Variants in KCNJ4 observed in about 807,000 individuals in gnomAD.
KCNJ4 encodes the protein potassium inwardly rectifying channel subfamily J member 4, also known as inward rectifier potassium channel 4.
A neutral mutation model predicts 25.6 loss-of-function variants in KCNJ4; 3 were observed. The ratio of observed to expected loss-of-function variants is 0.12; its 90% CI spans 0.05 to 0.30. The LOEUF is 0.30. Among genes scored for constraint, KCNJ4 ranks in the 10% least tolerant of loss-of-function variants. KCNJ4 has a pLI of 1.00. For synonymous variants in KCNJ4, 257 were observed against 283.9 expected (o/e 0.91, Z 0.95); for missense variants, 286 against 666.8 (o/e 0.43, Z 6.29).
chr22:38,430,392 T>C (rs1471651116), intron 1 of KCNJ4, among the ~76,000 whole-genome samples: 1 of 152,020 alleles, frequency 6.6e-6, no homozygotes, highest in East Asian at 1.9e-4. Context: ...TAATCCCAGC[T>C]ACTGGGGGGC....
chr22:38,449,385 G>A lies in KCNJ4; in HGVS notation c.-40+5595C>T, dbSNP rs1173323330. ...GGGTGATGGTTCTCCCAGGGTGGTG[G>A]AGGATTAAGTGAAATCATGAATATG... On this transcript the variant is annotated intron_variant, in intron 1 of 1. Transcript: ENST00000303592. This position sits in a 1 kb window ranked among gnomAD's most constrained non-coding sequence, Gnocchi z 5.2. Among the ~76,000 whole-genome samples, 1 of 152,146 alleles carries A rather than the reference G, an allele frequency of 6.6e-6. No individual in the cohort carries two copies. Among genetic ancestry groups the A allele is most frequent in the African/African-American group, 2.4e-5 (1 of 41,422 alleles).
rs546453231 is a variant in KCNJ4 at position 38,436,666 on chromosome 22, C to T, written c.-39-8495G>A. ...CCCTCACCAGGCAGCCCTCTGACAT[C>T]GCAAAAATTCAGGCTGAGCATCTGA... On this transcript the variant is annotated intron_variant, in intron 1 of 1. Coordinates refer to ENST00000303592, the MANE Select transcript of KCNJ4 (RefSeq NM_152868.3). Among the ~76,000 whole-genome samples, 24 of 152,292 alleles carry T rather than the reference C, an allele frequency of 1.6e-4. No individual in the cohort carries two copies. In the South Asian group the frequency reaches 3.3e-3, roughly 21 times the overall value.
intron 1 of KCNJ4, among the ~76,000 whole-genome samples, chr22:38,440,307 T>G (rs944542345): frequency 5.9e-5 from 9 of 152,140 alleles, no homozygotes; most frequent in Non-Finnish European, 1.0e-4. Flanking sequence ...TTTGAGAGGC[T>G]GACGTGGGCA....
chr22:38,454,691 C>A (rs2089429321), intron 1 of KCNJ4, among the ~76,000 whole-genome samples: 1 of 152,154 alleles, frequency 6.6e-6, no homozygotes, highest in Admixed American at 6.5e-5. Context: ...AGGGAAAGGT[C>A]ATGGCTGGGG....
At position 38,427,455 on chromosome 22, in the gene KCNJ4, G is replaced by A; in HGVS notation, c.678C>T (p.Pro226=). ...GGTACTCGCCCTCCTGGGTCATGTA[G>A]GGCTTGATGAGCTGGGCCCGCACGT... The part of the protein sequence containing the change: ...EAHVRAQLIK[P]YMTQEGEYLP... Residue 226 remains proline, a synonymous_variant, in exon 2 of 2, where the codon CCC becomes CCT. Transcript: ENST00000303592. The A allele has an allele frequency of 6.2e-7, 1 of 1,612,974 alleles. No homozygotes were observed. Among genetic ancestry groups the A allele is most frequent in the South Asian group, 1.1e-5 (1 of 91,078 alleles).
At chr22:38,435,023 G>GA (rs1236975477) in intron 1 of KCNJ4, among the ~76,000 whole-genome samples, 1 of 152,232 alleles carries the variant, frequency 6.6e-6, no homozygotes, top group Non-Finnish European at 1.5e-5. Flanking sequence ...TGATGACCAA[G>GA]AATGCTGGAC....
At chr22:38,429,083 C>CAA (rs10582408) in intron 1 of KCNJ4, among the ~76,000 whole-genome samples, 3 of 108,862 alleles carry the variant, frequency 2.8e-5, no homozygotes, top group Non-Finnish European at 5.6e-5. Flanking sequence ...GACCCCATGT[C>CAA]AAAAAAAAAA....
At chr22:38,432,906 G>A (rs938586021) in intron 1 of KCNJ4, among the ~76,000 whole-genome samples, 3 of 151,494 alleles carry the variant, frequency 2.0e-5, no homozygotes, top group Non-Finnish European at 2.9e-5. Flanking sequence ...AGCAGGCAGA[G>A]GTTGCAGTCA....
chr22:38,444,290 T>G (rs955154646), intron 1 of KCNJ4, among the ~76,000 whole-genome samples: 1 of 152,140 alleles, frequency 6.6e-6, no homozygotes, highest in Non-Finnish European at 1.5e-5. Flanking sequence ...ACCCAGCCCG[T>G]CAAAATTCCC....
intron 1 of KCNJ4, among the ~76,000 whole-genome samples, chr22:38,453,939 C>T (rs1186145439): frequency 6.6e-6 from 1 of 152,192 alleles, no homozygotes; most frequent in African/African-American, 2.4e-5. Flanking sequence ...CCCAGCTGCC[C>T]TGGTCCACCT....
rs530860072 is a variant in KCNJ4, at chr22:38,429,270, G to C, written c.-39-1099C>G. 1.1e-4 allele frequency among the ~76,000 whole-genome samples: 17 copies of C among 152,238 alleles called. 1 individual carries two copies. The highest frequency in any genetic ancestry group is 4.1e-4 in the African/African-American group (17 of 41,534). On this transcript the variant is annotated intron_variant, in intron 1 of 1. Coordinates refer to ENST00000303592, the MANE Select transcript of KCNJ4 (RefSeq NM_152868.3). Reference sequence around the variant, plus strand: ...GGGGAGAATCCAATGTGACAGTCAGGGTGGAGGAAGGGGGAGCCCCCAGCT... The same window carrying C: ...GGGGAGAATCCAATGTGACAGTCAGCGTGGAGGAAGGGGGAGCCCCCAGCT...
chr22:38,434,170 G>A (rs2093058617), intron 1 of KCNJ4, among the ~76,000 whole-genome samples: 1 of 152,176 alleles, frequency 6.6e-6, no homozygotes. Flanking sequence ...AGAGAGCAGT[G>A]GCCAGTGCCA....
chr22:38,435,050 C>G (rs144484919), intron 1 of KCNJ4, among the ~76,000 whole-genome samples: 1 of 152,310 alleles, frequency 6.6e-6, no homozygotes, highest in African/African-American at 2.4e-5. Context: ...CTGGGGAACC[C>G]CTTCCACTCC....
At chr22:38,432,019 G>A (rs2093051308) in intron 1 of KCNJ4, among the ~76,000 whole-genome samples, 1 of 151,896 alleles carries the variant, frequency 6.6e-6, no homozygotes, top group South Asian at 2.1e-4. Context: ...ACTTTTGGAG[G>A]CTGAAGCGGG....
chr22:38,433,870 C>T (rs931690402), intron 1 of KCNJ4, among the ~76,000 whole-genome samples: 1 of 152,206 alleles, frequency 6.6e-6, no homozygotes, highest in Admixed American at 6.5e-5. Flanking sequence ...AAGACCACCC[C>T]AACCCTGTCA....
chr22:38,438,227 G>T (rs556132871), intron 1 of KCNJ4, among the ~76,000 whole-genome samples: 3 of 113,576 alleles, frequency 2.6e-5, no homozygotes, highest in East Asian at 2.8e-4. Context: ...GCGACAGAGC[G>T]ATACTCTGTC....
At chr22:38,453,781 C>T (rs196095) in intron 1 of KCNJ4, among the ~76,000 whole-genome samples, 33,869 of 152,080 alleles carry the variant, frequency 0.22, 4,986 homozygotes, top group African/African-American at 0.42. Context: ...GACCCACTGC[C>T]CAGTGTGGAA....
chr22:38,430,669 A>T (rs934241238), intron 1 of KCNJ4, among the ~76,000 whole-genome samples: 2 of 152,158 alleles, frequency 1.3e-5, no homozygotes, highest in African/African-American at 2.4e-5. Flanking sequence ...TCCAGGAGAA[A>T]GGCTTGGGGT....
In KCNJ4 at chr22:38,426,902, C is replaced by T. The variant is rs75888203; in HGVS notation, c.1231G>A (p.Ala411Thr). 1 of 1,613,042 alleles carries T rather than the reference C, an allele frequency of 6.2e-7. No homozygotes were observed. Among genetic ancestry groups the T allele is most frequent in the Non-Finnish European group, 8.5e-7 (1 of 1,179,920 alleles). Residue 411 changes from alanine (A) to threonine (T), a missense_variant, in exon 2 of 2, where the codon GCG becomes ACG. Around this residue, in one of 11 missense-constraint regions of KCNJ4, gnomAD observed 77 missense variants for 97.6 expected, o/e 0.79. Coordinates refer to ENST00000303592, the MANE Select transcript of KCNJ4 (RefSeq NM_152868.3). ...LGLEAGSKEE[A>T]GIIRMLEFGS... Reference sequence around the variant, plus strand: ...AACTCCAGCATCCGGATGATGCCCGCCTCCTCCTTGGAACCCGCCTCCAGG... The same window carrying T: ...AACTCCAGCATCCGGATGATGCCCGTCTCCTCCTTGGAACCCGCCTCCAGG...
Sources: allele counts gnomAD v4.1 joint callset (sites outside exome capture counted in the v4.1 genomes callset), GRCh38; gene constraint gnomAD v4.1.1; regional missense constraint gnomAD v4.1.1; non-coding constraint Gnocchi (gnomAD v3.1); transcripts MANE v1.5; gene names NCBI Gene and HGNC (gene_info 2026-07-23, HGNC 2026-07-21).